Variants in RSBN1L observed in about 807,000 individuals in gnomAD.
RSBN1L encodes lysine-specific demethylase RSBN1L.
In RSBN1L, 30 loss-of-function variants were observed where a neutral mutation model predicts 67.7. The ratio of observed to expected loss-of-function variants is 0.44; its 90% CI spans 0.33 to 0.60. RSBN1L has a LOEUF of 0.60. Ranked by LOEUF, RSBN1L falls within the 20% of genes least tolerant of loss-of-function variation. The pLI is 0.02. For missense variants in RSBN1L, 992 were observed against 1,031.7 expected (o/e 0.96, Z 0.53); for synonymous variants, 433 against 387.0 (o/e 1.12, Z -1.39).
chr7:77,762,631 GACA>G (rs1791709733), intron 3 of RSBN1L, among the ~76,000 whole-genome samples: 2 of 152,022 alleles, frequency 1.3e-5, no homozygotes, highest in Non-Finnish European at 2.9e-5. Context: ...CTTGAGTCAT[GACA>G]CAACATATGA....
chr7:77,736,666 G>A, intron 2 of RSBN1L, 140 bp downstream of exon 2: 1 of 386,424 alleles, frequency 2.6e-6, no homozygotes, highest in Non-Finnish European at 4.7e-6. Flanking sequence ...AAAAGTAAAT[G>A]TAACAACGGA....
chr7:77,724,907 A>G (rs1048293253), intron 1 of RSBN1L, among the ~76,000 whole-genome samples: 6 of 144,068 alleles, frequency 4.2e-5, no homozygotes, highest in Non-Finnish European at 7.7e-5. Flanking sequence ...CAGTGGTGCA[A>G]TCTCGGTTCA....
intron 1 of RSBN1L, among the ~76,000 whole-genome samples, chr7:77,727,017 G>A (rs1791212688): frequency 6.6e-6 from 1 of 151,512 alleles, no homozygotes; most frequent in Non-Finnish European, 1.5e-5. Flanking sequence ...TCTTGACCTC[G>A]TGATCCACCC....
intron 6 of RSBN1L, among the ~76,000 whole-genome samples, chr7:77,774,692 G>A (rs1352439982): frequency 1.3e-5 from 2 of 152,156 alleles, no homozygotes; most frequent in Non-Finnish European, 2.9e-5. Context: ...AGCCAAGATC[G>A]TGCCACTGCA....
intron 1 of RSBN1L, among the ~76,000 whole-genome samples, chr7:77,714,228 A>G (rs1791014368): frequency 6.6e-6 from 1 of 152,190 alleles, no homozygotes; most frequent in African/African-American, 2.4e-5. Flanking sequence ...AACATTATTG[A>G]ATTATAATTT....
chr7:77,765,695 T>G, intron 4 of RSBN1L, 63 bp downstream of exon 4: 1 of 1,149,916 alleles, frequency 8.7e-7, no homozygotes, highest in Non-Finnish European at 1.2e-6. Flanking sequence ...AAAACCAATA[T>G]GAGTAATCTA....
chr7:77,750,992 C>G (rs1316639044), intron 3 of RSBN1L, among the ~76,000 whole-genome samples: 2 of 152,162 alleles, frequency 1.3e-5, no homozygotes, highest in Non-Finnish European at 2.9e-5. Context: ...TTTCCTTATT[C>G]TGAATATGTT....
At chr7:77,744,710 G>A (rs1016761368) in intron 2 of RSBN1L, among the ~76,000 whole-genome samples, 1 of 152,084 alleles carries the variant, frequency 6.6e-6, no homozygotes, top group Non-Finnish European at 1.5e-5. Context: ...GAGCCACTGC[G>A]CCTGGCCACA....
intron 2 of RSBN1L, among the ~76,000 whole-genome samples, chr7:77,742,180 A>AAACACAC (rs1554340015): frequency 2.1e-4 from 17 of 82,174 alleles, no homozygotes; most frequent in East Asian, 3.2e-4. Context: ...AAAAAAAAAA[A>AAACACAC]ATACACACAC....
chr7:77,735,952 A>C (rs903616900), intron 1 of RSBN1L, among the ~76,000 whole-genome samples: 1 of 152,080 alleles, frequency 6.6e-6, no homozygotes. Context: ...GTCATTTTAT[A>C]TATTTTTTCA....
At chr7:77,700,882 C>T (rs949915377) in intron 1 of RSBN1L, among the ~76,000 whole-genome samples, 4 of 152,102 alleles carry the variant, frequency 2.6e-5, no homozygotes, top group African/African-American at 7.2e-5. Context: ...TGGGGCCGGG[C>T]GCGGTGGCTC....
chr7:77,707,756 A>G (rs182746415), intron 1 of RSBN1L, among the ~76,000 whole-genome samples: 4 of 152,342 alleles, frequency 2.6e-5, no homozygotes, highest in East Asian at 3.9e-4. Flanking sequence ...ACTGGCATCT[A>G]TATCAAGCAC....
rs141731340 is a variant in RSBN1L, at chr7:77,764,013, A to C, written c.1345-1482A>C. ...TCCTTAAATGATTTTGTATGAAAAC[A>C]TGTGGGTTGGGGTTTACTTTGTTAC... On this transcript the variant is annotated intron_variant, in intron 3 of 7. Coordinates refer to ENST00000334955, the MANE Select transcript of RSBN1L (RefSeq NM_198467.3). 3.7e-3 allele frequency among the ~76,000 whole-genome samples: 570 copies of C among 152,308 alleles called. 4 individuals carry two copies. The highest frequency in any genetic ancestry group is 0.013 in the African/African-American group (540 of 41,574).
Position 77,703,795 on chromosome 7 carries a change from G to T in RSBN1L, c.586+6740G>T, listed in dbSNP as rs189150270. ...GAGCCACCGCGCTCGGCCTATTTGG[G>T]TATATTTTTAAGAGACAGGAATCTT... On this transcript the variant is annotated intron_variant, in intron 1 of 7. Coordinates refer to ENST00000334955, the MANE Select transcript of RSBN1L (RefSeq NM_198467.3). Among the ~76,000 whole-genome samples the T allele has an allele frequency of 1.8e-4, 27 of 151,808 alleles. No individual in the cohort carries two copies. The East Asian group carries it at 4.1e-3, about 23-fold the overall frequency.
Position 77,749,618 on chromosome 7 carries a change from A to G in RSBN1L, c.898A>G (p.Ile300Val), listed in dbSNP as rs1404707318. The change falls in exon 3 of 8, where the codon ATA (isoleucine) becomes GTA (valine). Residue 300 changes from isoleucine (I) to valine (V), a missense_variant. Ile to Val is a conservative substitution (Grantham distance 29). This residue lies in a region of RSBN1L where 575 missense variants were observed against 483.2 expected (regional missense o/e 1.19). Coordinates refer to ENST00000334955, the MANE Select transcript of RSBN1L (RefSeq NM_198467.3). ...AGCCAAAGGCATCCTAAATGATAACATAAAAGATTACGTTGGGAAGAATTT... is the reference window on the plus strand; with the variant it reads ...AGCCAAAGGCATCCTAAATGATAACGTAAAAGATTACGTTGGGAAGAATTT... The part of the protein sequence containing the change: ...QAAKGILNDN[I>V]KDYVGKNLDT... The G allele has an allele frequency of 6.2e-7, 1 of 1,613,936 alleles. No individual in the cohort carries two copies. The highest frequency in any genetic ancestry group is 1.1e-5 in the South Asian group (1 of 91,052).
At position 77,707,058 on chromosome 7, in the gene RSBN1L, C is replaced by T. The variant is rs915394169; in HGVS notation, c.586+10003C>T. Among the ~76,000 whole-genome samples the T allele has an allele frequency of 1.3e-4, 19 of 146,056 alleles. No individual in the cohort carries two copies. The East Asian group carries it at 3.8e-3, about 29-fold the overall frequency. On this transcript the variant is annotated intron_variant, in intron 1 of 7. Coordinates refer to ENST00000334955, the MANE Select transcript of RSBN1L (RefSeq NM_198467.3). ...TTTTTTTTTGAAACAGAGTCTCACT[C>T]TGTCACCCAGGCTGGAGTGCAGTGG...
At chr7:77,726,401 A>T (rs188078974) in intron 1 of RSBN1L, among the ~76,000 whole-genome samples, 163 of 152,244 alleles carry the variant, frequency 1.1e-3, no homozygotes, top group Middle Eastern at 0.01. Flanking sequence ...GAGGTGTACC[A>T]GTTAGGTATT....
In RSBN1L at chr7:77,701,653, C is replaced by CT. The variant is rs36070602; in HGVS notation, c.586+4614dup. On this transcript the variant is annotated intron_variant, in intron 1 of 7. Transcript: ENST00000334955. ...CCTTCTGAACTTTCACTGAATTTTACTTTTTTTTTTTTTTTTGAGATGGAG... is the reference window on the plus strand; with the variant it reads ...CCTTCTGAACTTTCACTGAATTTTACTTTTTTTTTTTTTTTTTGAGATGGAG... Among the ~76,000 whole-genome samples the CT allele has an allele frequency of 2.5e-3, 318 of 127,874 alleles. 7 individuals carry two copies. In the East Asian group the frequency reaches 0.044, roughly 18 times the overall value. 83.9% of individuals were successfully genotyped at this position (127,874 alleles called of 152,430 possible).
Position 77,697,414 on chromosome 7 carries a change from T to A in RSBN1L, c.586+359T>A, listed in dbSNP as rs969316842. On this transcript the variant is annotated intron_variant, in intron 1 of 7. Transcript: ENST00000334955. ...GGGAAGGGTTTGGTTTTGTAAAAGA[T>A]GCTTGATTGATTGTTAGACCACTTA... is the stretch of plus-strand genomic sequence containing the variant. 3.8e-4 allele frequency: 77 copies of A among 204,366 alleles called. 1 individual carries two copies. In the Admixed American group the frequency reaches 4.6e-3, roughly 12 times the overall value. 12.7% of individuals were successfully genotyped at this position (204,366 alleles called of 1,614,324 possible). A position where few individuals can be genotyped will look rare whatever the true frequency, so the allele number is the denominator to read the frequency against.
Sources: gnomAD v4.1 joint callset for allele counts (sites outside exome capture counted in the v4.1 genomes callset) on GRCh38, gnomAD v4.1.1 for gene constraint, gnomAD v4.1.1 regional missense constraint, MANE v1.5 for transcripts, NCBI Gene and HGNC (gene_info 2026-07-23, HGNC 2026-07-21) for gene names.